The following PRDM16 variants were observed in gnomAD, a reference collection of about 807,000 sequenced individuals.
The protein encoded by PRDM16 is histone-lysine N-methyltransferase PRDM16.
PRDM16 carries 23 observed loss-of-function variants against 110.6 expected under a neutral mutation model. That is an observed-to-expected ratio of 0.21 (90% confidence interval 0.15 to 0.29). The LOEUF is 0.29. PRDM16 is among the 10% of genes least tolerant of loss of function. PRDM16 has a pLI of 1.00. For missense variants in PRDM16, 1,615 were observed against 1,794.3 expected (o/e 0.90, Z 1.81); for synonymous variants, 799 against 781.8 (o/e 1.02, Z -0.37).
chr1:3,363,703 ATTGCCCACTT>A (rs1470054315), intron 3 of PRDM16, among the ~76,000 whole-genome samples: 1 of 152,156 alleles, frequency 6.6e-6, no homozygotes, highest in East Asian at 1.9e-4. Context: ...ACAGCTCAGA[ATTGCCCACTT>A]GAAGGTCCTT....
intron 1 of PRDM16, among the ~76,000 whole-genome samples, chr1:3,102,045 T>C (rs931259165): frequency 4.6e-5 from 7 of 152,222 alleles, no homozygotes; most frequent in African/African-American, 1.4e-4. Flanking sequence ...TGTGGGGTCC[T>C]GATTTACAAA....
intron 2 of PRDM16, chr1:3,207,238 C>A (rs1248283938): frequency 6.6e-6 from 1 of 152,238 alleles, no homozygotes; most frequent in Non-Finnish European, 1.5e-5. Context: ...AGCTACAAAA[C>A]CCGAGGTCAT....
At chr1:3,376,991 C>T (rs974031053) in intron 3 of PRDM16, among the ~76,000 whole-genome samples, 5 of 152,222 alleles carry the variant, frequency 3.3e-5, no homozygotes, top group South Asian at 4.1e-4. Context: ...TCCAGAACGC[C>T]TTTCCCCCAC....
intron 1 of PRDM16, among the ~76,000 whole-genome samples, chr1:3,082,993 GC>G (rs70938070): frequency 2.0e-5 from 3 of 152,306 alleles, no homozygotes; most frequent in African/African-American, 4.8e-5. Context: ...TGGAGATCGA[GC>G]CCCCCTGCTG....
intron 3 of PRDM16, among the ~76,000 whole-genome samples, chr1:3,318,939 C>T (rs1216825175): frequency 6.6e-6 from 1 of 152,204 alleles, no homozygotes; most frequent in Non-Finnish European, 1.5e-5. Flanking sequence ...GGCCCCTGAG[C>T]TCTGTAATTA....
intron 2 of PRDM16, among the ~76,000 whole-genome samples, chr1:3,210,565 A>G (rs1024538438): frequency 2.0e-5 from 3 of 152,250 alleles, no homozygotes; most frequent in African/African-American, 7.2e-5. Context: ...GGCTGATAAA[A>G]TATTTCCCAG....
At chr1:3,340,529 T>G (rs1046683405) in intron 3 of PRDM16, among the ~76,000 whole-genome samples, 2 of 152,188 alleles carry the variant, frequency 1.3e-5, no homozygotes, top group African/African-American at 2.4e-5. Flanking sequence ...ACAACTTGCA[T>G]CAATACCATC....
At chr1:3,195,017 G>A (rs543120383) in intron 2 of PRDM16, among the ~76,000 whole-genome samples, 37 of 152,340 alleles carry the variant, frequency 2.4e-4, no homozygotes, top group Non-Finnish European at 4.0e-4. Context: ...GAGGCCTCAC[G>A]TCTAAAACCG....
intron 1 of PRDM16, among the ~76,000 whole-genome samples, chr1:3,137,089 A>G (rs909535405): frequency 6.6e-6 from 1 of 152,174 alleles, no homozygotes; most frequent in Non-Finnish European, 1.5e-5. Context: ...AAAGAGAGTC[A>G]GAGATACACA....
intron 3 of PRDM16, among the ~76,000 whole-genome samples, chr1:3,297,136 A>G (rs1280339055): frequency 2.6e-5 from 4 of 152,178 alleles, no homozygotes; most frequent in African/African-American, 9.7e-5. Context: ...GGGAGCGGTC[A>G]GCCCTTGTCC....
At chr1:3,293,480 C>T (rs753994996) in intron 3 of PRDM16, among the ~76,000 whole-genome samples, 15 of 152,208 alleles carry the variant, frequency 9.9e-5, no homozygotes, top group Non-Finnish European at 1.3e-4. Flanking sequence ...TAGGAAGGCG[C>T]GATGGCCAGG....
At chr1:3,147,952 T>C (rs1643707235) in intron 1 of PRDM16, among the ~76,000 whole-genome samples, 1 of 152,222 alleles carries the variant, frequency 6.6e-6, no homozygotes, top group Admixed American at 6.5e-5. Context: ...TGACAGTCTC[T>C]GATTCTGCAT....
intron 2 of PRDM16, among the ~76,000 whole-genome samples, chr1:3,234,591 C>CA (rs1375642085): frequency 5.3e-5 from 8 of 152,196 alleles, no homozygotes; most frequent in Non-Finnish European, 2.9e-5. Flanking sequence ...AGAGAGCCAC[C>CA]CCGAGCACAG....
chr1:3,336,997 A>G (rs1570097948), intron 3 of PRDM16, among the ~76,000 whole-genome samples: 1 of 140,726 alleles, frequency 7.1e-6, no homozygotes, highest in African/African-American at 2.7e-5. Context: ...CTGTGTGTGC[A>G]TGCATGCATG....
chr1:3,403,764 G>A (rs1185640834), intron 6 of PRDM16, among the ~76,000 whole-genome samples: 2 of 152,150 alleles, frequency 1.3e-5, no homozygotes, highest in Admixed American at 6.5e-5. Flanking sequence ...TTTCCAACCT[G>A]GGCCCCTCCT....
At chr1:3,242,276 G>A (rs1035607270) in intron 2 of PRDM16, among the ~76,000 whole-genome samples, 8 of 152,224 alleles carry the variant, frequency 5.3e-5, no homozygotes, top group Non-Finnish European at 1.2e-4. Context: ...CTCACTCCTC[G>A]ACGTGCCTCA....
intron 3 of PRDM16, among the ~76,000 whole-genome samples, chr1:3,329,129 G>T (rs772238244): frequency 3.2e-4 from 49 of 152,310 alleles, no homozygotes; most frequent in Middle Eastern, 6.8e-3. Flanking sequence ...CTCCCAAACT[G>T]CCCAGGGAAG....
chr1:3,217,180 C>T (rs762809593), intron 2 of PRDM16, among the ~76,000 whole-genome samples: 2 of 152,268 alleles, frequency 1.3e-5, no homozygotes, highest in Admixed American at 1.3e-4. Context: ...AACGGGCATT[C>T]GCCCGTGTGT....
At position 3,212,963 on chromosome 1, in the gene PRDM16, C is replaced by T. The variant is rs111418912; in HGVS notation, c.387+26489C>T. 4.1e-3 allele frequency among the ~76,000 whole-genome samples: 617 copies of T among 152,344 alleles called. 2 individuals are homozygous for T. Among genetic ancestry groups the T allele is most frequent in the South Asian group, 0.024 (115 of 4,828 alleles). ...CCCTCCCCAGGTACTCGTTTAAGAG[C>T]TCCCTGGCAGCAGAGCTGGACACAG... On this transcript the variant is annotated intron_variant, in intron 2 of 16. Coordinates refer to ENST00000270722, the MANE Select transcript of PRDM16 (RefSeq NM_022114.4).
Sources: gnomAD v4.1 joint callset for allele counts (sites outside exome capture counted in the v4.1 genomes callset) on GRCh38, gnomAD v4.1.1 for gene constraint, MANE v1.5 for transcripts, NCBI Gene and HGNC (gene_info 2026-07-23, HGNC 2026-07-21) for gene names.